Variants in KDM2A observed in about 807,000 individuals in gnomAD.
The protein encoded by KDM2A is lysine-specific demethylase 2A.
A neutral mutation model predicts 137.3 loss-of-function variants in KDM2A; 3 were observed. The observed-to-expected ratio is 0.02, with a 90% CI of 0.01 to 0.06. The LOEUF (loss-of-function observed/expected upper bound fraction) is 0.06. KDM2A is among the 10% of genes least tolerant of loss of function. The pLI is 1.00. For synonymous variants in KDM2A, 512 were observed against 541.5 expected, an observed-to-expected ratio of 0.95 and a Z score of 0.76; for missense variants, 738 against 1,510.6, an observed-to-expected ratio of 0.49 and a Z score of 8.48.
intron 2 of KDM2A, among the ~76,000 whole-genome samples, chr11:67,122,488 A>G (rs750523387): frequency 3.3e-4 from 50 of 151,912 alleles, no homozygotes; most frequent in Non-Finnish European, 5.4e-4. Context: ...CACCACGTCC[A>G]GCTAATTTTT....
At chr11:67,169,813 A>G (rs535734944) in intron 2 of KDM2A, among the ~76,000 whole-genome samples, 3 of 125,778 alleles carry the variant, frequency 2.4e-5, no homozygotes, top group Non-Finnish European at 4.7e-5. Context: ...GCTAGAGTAC[A>G]GTGGCGAGAT....
chr11:67,125,373 G>T (rs185542593), intron 2 of KDM2A, among the ~76,000 whole-genome samples: 7 of 151,672 alleles, frequency 4.6e-5, no homozygotes, highest in Non-Finnish European at 1.0e-4. Flanking sequence ...TAGAGGTGGG[G>T]TTTTGCCGTG....
intron 5 of KDM2A, among the ~76,000 whole-genome samples, chr11:67,197,521 T>C (rs1390599259): frequency 6.6e-6 from 1 of 152,222 alleles, no homozygotes; most frequent in Non-Finnish European, 1.5e-5. Context: ...CTGGGTGTTT[T>C]TTTGTTTCTT....
At chr11:67,120,266 G>C (rs974017398) in intron 1 of KDM2A, among the ~76,000 whole-genome samples, 1 of 152,162 alleles carries the variant, frequency 6.6e-6, no homozygotes, top group East Asian at 1.9e-4. Context: ...TTTCCCTCCC[G>C]ACTTCGGGCC....
intron 11 of KDM2A, among the ~76,000 whole-genome samples, chr11:67,229,335 C>T (rs923318834): frequency 2.0e-5 from 3 of 152,156 alleles, no homozygotes; most frequent in African/African-American, 4.8e-5. Flanking sequence ...GCAGTTTATG[C>T]TCTTTATCTC....
chr11:67,207,325 CATT>C (rs747646695), intron 5 of KDM2A, among the ~76,000 whole-genome samples, 182 bp from the exon 6 acceptor site: 2 of 152,278 alleles, frequency 1.3e-5, no homozygotes, highest in Admixed American at 6.5e-5. Context: ...TTATTATTAA[CATT>C]ATCCATTGTC....
At chr11:67,167,197 C>T (rs1488273986) in intron 2 of KDM2A, among the ~76,000 whole-genome samples, 4 of 152,190 alleles carry the variant, frequency 2.6e-5, no homozygotes, top group Admixed American at 2.6e-4. Flanking sequence ...TTAGATATAA[C>T]ATCTAAACTC....
At chr11:67,200,563 G>A (rs1427990434) in intron 5 of KDM2A, among the ~76,000 whole-genome samples, 4 of 151,992 alleles carry the variant, frequency 2.6e-5, no homozygotes. Flanking sequence ...CCAAGTTGGA[G>A]TGCAATGGTA....
Position 67,217,611 on chromosome 11 carries a change from G to T in KDM2A, c.688-120G>T, listed in dbSNP as rs543480134. ...ACCACATAGTCAAGTTCTATAGGCT[G>T]GGAAAATTGCTTGCCTTTCTTCTAC... On this transcript the variant is annotated intron_variant, in intron 8 of 20. Transcript: ENST00000529006. 1.6e-4 allele frequency: 148 copies of T among 929,138 alleles called. No individual in the cohort carries two copies. In the African/African-American group the frequency reaches 1.9e-3, roughly 12 times the overall value. The allele number at this position is 929,138 out of a possible 1,614,324, so 57.6% of individuals were successfully genotyped here.
intron 15 of KDM2A, 36 bp downstream of exon 15, chr11:67,246,152 C>G: frequency 1.2e-6 from 2 of 1,611,046 alleles, no homozygotes; most frequent in Non-Finnish European, 1.7e-6. Flanking sequence ...GAAGTCTCAG[C>G]TAATGGAGTG....
chr11:67,207,024 A>G (rs964984318), intron 5 of KDM2A, among the ~76,000 whole-genome samples: 2 of 152,366 alleles, frequency 1.3e-5, no homozygotes, highest in Non-Finnish European at 2.9e-5. Context: ...ACAAAAGAAT[A>G]TAAATTCAAA....
At chr11:67,208,226 T>A (rs935888220) in intron 6 of KDM2A, among the ~76,000 whole-genome samples, 1 of 151,182 alleles carries the variant, frequency 6.6e-6, no homozygotes, top group Non-Finnish European at 1.5e-5. Flanking sequence ...ATTTTAAAAT[T>A]TATTATTATT....
At chr11:67,200,915 C>T (rs1009349796) in intron 5 of KDM2A, among the ~76,000 whole-genome samples, 82 of 152,134 alleles carry the variant, frequency 5.4e-4, no homozygotes, top group African/African-American at 1.8e-3. Context: ...ATTTCATGGC[C>T]TGGCACAGTG....
At chr11:67,191,260 C>T (rs750294786) in intron 5 of KDM2A, among the ~76,000 whole-genome samples, 5 of 151,970 alleles carry the variant, frequency 3.3e-5, no homozygotes, top group Non-Finnish European at 5.9e-5. Context: ...CTCCTGACCT[C>T]GTGATCTGCT....
rs1590694002 is a variant in KDM2A at position 67,119,710 on chromosome 11, C to G, written c.-423C>G. On this transcript the variant is annotated 5_prime_UTR_variant, in exon 1 of 21. Coordinates refer to ENST00000529006, the MANE Select transcript of KDM2A (RefSeq NM_012308.3). ...CCGCAGGCGACCAGCCCCTGCTGGCCGAGGGCACGGCGAGGAGGGCGCTCC... is the reference window on the plus strand; with the variant it reads ...CCGCAGGCGACCAGCCCCTGCTGGCGGAGGGCACGGCGAGGAGGGCGCTCC... 1 of 149,828 alleles carries G rather than the reference C, an allele frequency of 6.7e-6. No individual in the cohort carries two copies. The highest frequency in any genetic ancestry group is 6.6e-5 in the Admixed American group (1 of 15,088). 9.3% of individuals were successfully genotyped at this position (149,828 alleles called of 1,614,324 possible).
intron 10 of KDM2A, 27 bp downstream of exon 10, chr11:67,219,430 T>C (rs762931066): frequency 7.7e-7 from 1 of 1,301,376 alleles, no homozygotes; most frequent in Non-Finnish European, 1.1e-6. Context: ...AACAGTTGCA[T>C]GTGAAGAGGT....
At position 67,245,910 on chromosome 11, in the gene KDM2A, T is replaced by C. The variant is rs1354954857; in HGVS notation, c.1834-75T>C. 2.0e-6 allele frequency: 3 copies of C among 1,537,624 alleles called. No individual in the cohort carries two copies. The East Asian group carries it at 6.8e-5, about 35-fold the overall frequency. On this transcript the variant is annotated intron_variant, in intron 14 of 20. Coordinates refer to ENST00000529006, the MANE Select transcript of KDM2A (RefSeq NM_012308.3). This position sits in a 1 kb window ranked among gnomAD's most constrained non-coding sequence, Gnocchi z 4.1. ...AGAATTATAGGACCCAAATCTCCCA[T>C]CTTCAGTTTAAGGGAAACTGAAATG...
At position 67,257,986 on chromosome 11, in the gene KDM2A, G is replaced by T. The variant is rs1859665982; in HGVS notation, c.*2931G>T. On this transcript the variant is annotated 3_prime_UTR_variant, in exon 21 of 21. Transcript: ENST00000529006. Reference sequence around the variant, plus strand: ...ATAAAATTTTTAAAAGACAAAAAAAGAAATAGCCTCCAATGGGAAATATTT... The same window carrying T: ...ATAAAATTTTTAAAAGACAAAAAAATAAATAGCCTCCAATGGGAAATATTT... The T allele has an allele frequency of 6.6e-6, 1 of 152,294 alleles. No individual in the cohort carries two copies. Among genetic ancestry groups the T allele is most frequent in the African/African-American group, 2.4e-5 (1 of 41,556 alleles). The allele number at this position is 152,294 out of a possible 1,614,324, so 9.4% of individuals were successfully genotyped here. A position where few individuals can be genotyped will look rare whatever the true frequency, so the allele number is the denominator to read the frequency against.
At chr11:67,226,125 C>T (rs1858535292) in intron 10 of KDM2A, among the ~76,000 whole-genome samples, 1 of 149,596 alleles carries the variant, frequency 6.7e-6, no homozygotes, top group Admixed American at 6.7e-5. Context: ...GGTGTAGGGG[C>T]ACACACCTAT....
Sources: allele counts gnomAD v4.1 joint callset (sites outside exome capture counted in the v4.1 genomes callset), GRCh38; gene constraint gnomAD v4.1.1; non-coding constraint Gnocchi (gnomAD v3.1); transcripts MANE v1.5; gene names NCBI Gene and HGNC (gene_info 2026-07-23, HGNC 2026-07-21).